BAZ2A: variants seen among roughly 807,000 people sequenced by gnomAD.
The protein encoded by BAZ2A is bromodomain adjacent to zinc finger domain protein 2A.
Under a neutral mutation model 199.9 loss-of-function variants are expected in BAZ2A, and 34 were observed. That is an observed-to-expected ratio of 0.17 (90% confidence interval 0.13 to 0.23). The LOEUF (loss-of-function observed/expected upper bound fraction) is 0.23, where lower values mean the gene tolerates loss of function less well. BAZ2A is among the 10% of genes least tolerant of loss of function. The pLI is 1.00. For synonymous variants in BAZ2A, 857 were observed against 883.9 expected (o/e 0.97, Z 0.54); for missense variants, 2,002 against 2,391.1 (o/e 0.84, Z 3.39).
chr12:56,599,670 T>TG, intron 26 of BAZ2A, 32 bp downstream of exon 26: 1 of 1,611,936 alleles, frequency 6.2e-7, no homozygotes, highest in Non-Finnish European at 8.5e-7. Flanking sequence ...GATTTCTGTT[T>TG]GAGTGTGGGA....
In BAZ2A at chr12:56,623,276, G is replaced by A. The variant is rs970340661; in HGVS notation, c.-2-5744C>T. On this transcript the variant is annotated intron_variant, in intron 1 of 28. Transcript: ENST00000549884. ...AAAGGCTGACAATGCACAAAGTGTT[G>A]AAATAAATATTATATATTGCAACAC... Among the ~76,000 whole-genome samples, 5 of 151,792 alleles carry A rather than the reference G, an allele frequency of 3.3e-5. No homozygotes were observed. In the East Asian group the frequency reaches 7.7e-4, roughly 23 times the overall value.
At chr12:56,602,664 A>T in intron 19 of BAZ2A, 49 bp downstream of exon 19, 1 of 1,586,530 alleles carries the variant, frequency 6.3e-7, no homozygotes. Context: ...GAATTATTTA[A>T]TTCTTGTTTG....
chr12:56,628,720 C>T (rs1951193124), intron 1 of BAZ2A, among the ~76,000 whole-genome samples: 1 of 152,188 alleles, frequency 6.6e-6, no homozygotes, highest in African/African-American at 2.4e-5. Flanking sequence ...TACCCTTCTT[C>T]ACAAGCTCAC....
At chr12:56,632,053 A>G (rs1399462119), upstream of BAZ2A, among the ~76,000 whole-genome samples, 3 of 152,130 alleles carry the variant, frequency 2.0e-5, no homozygotes, top group East Asian at 3.8e-4. Flanking sequence ...GGGAATAGGC[A>G]GGTGGAAACC....
chr12:56,604,522 C>T, intron 15 of BAZ2A, 63 bp downstream of exon 15: 1 of 1,486,284 alleles, frequency 6.7e-7, no homozygotes, highest in Non-Finnish European at 9.1e-7. Flanking sequence ...TGGAAGGCTA[C>T]AAGTCCTCCA....
Position 56,600,322 on chromosome 12 carries a change from G to C in BAZ2A, c.4771C>G (p.Leu1591Val). The C allele has an allele frequency of 4.3e-6, 7 of 1,614,002 alleles. No homozygotes were observed. Among genetic ancestry groups the C allele is most frequent in the Non-Finnish European group, 5.9e-6 (7 of 1,179,900 alleles). Residue 1591 changes from leucine to valine, a missense_variant, in exon 24 of 29, where the codon CTG (leucine) becomes GTG (valine). Physicochemically the swap from Leu to Val is conservative, Grantham distance 32. Around this residue, in one of 6 missense-constraint regions of BAZ2A, gnomAD observed 1,081 missense variants for 1,274.7 expected, o/e 0.85. Transcript: ENST00000549884. ...TACCGCCGTTCTACATTCTGTTCCAGGGCAGCCAGCCGCATCACAGCCAGG... is the reference window on the plus strand; with the variant it reads ...TACCGCCGTTCTACATTCTGTTCCACGGCAGCCAGCCGCATCACAGCCAGG... The part of the protein sequence containing the change: ...LDLAVMRLAA[L>V]EQNVERRYLR...
rs1227117605 is a variant in BAZ2A at position 56,595,788 on chromosome 12, C to A, written c.*2830G>T. The A allele has an allele frequency of 6.6e-6, 1 of 152,592 alleles. No individual in the cohort carries two copies. The highest frequency in any genetic ancestry group is 1.5e-5 in the Non-Finnish European group (1 of 68,046). The allele number at this position is 152,592 out of a possible 1,614,324, so 9.5% of individuals were successfully genotyped here. ...ACATTTAGGCAGGAGCACTAATGAC[C>A]CTTTCCATCCACACAGAGGGTATGG... On this transcript the variant is annotated 3_prime_UTR_variant, in exon 29 of 29. Coordinates refer to ENST00000549884, the MANE Select transcript of BAZ2A (RefSeq NM_001300905.2).
chr12:56,630,919 G>C, upstream of BAZ2A: 1 of 923,888 alleles, frequency 1.1e-6, no homozygotes, highest in Non-Finnish European at 1.3e-6. Flanking sequence ...AAAGACCTGA[G>C]TGTAGCCTAA....
At position 56,603,665 on chromosome 12, in the gene BAZ2A, G is replaced by A. The variant is rs1318056609; in HGVS notation, c.3074C>T (p.Ser1025Phe). The A allele has an allele frequency of 6.2e-7, 1 of 1,613,976 alleles. No homozygotes were observed. The highest frequency in any genetic ancestry group is 8.5e-7 in the Non-Finnish European group (1 of 1,179,894). ...CTCTGGCCCTTCCATCTCTACTTCA[G>A]ACCGCCCAGTTCGCTTGGCCAGAAC... ...KTVLAKRTGR[S>F]EVEMEGPEEC... Residue 1025 changes from serine to phenylalanine, a missense_variant, in exon 17 of 29, where the codon TCT becomes TTT. Physicochemically the swap from Ser to Phe is radical, Grantham distance 155. Around this residue, in one of 6 missense-constraint regions of BAZ2A, gnomAD observed 1,081 missense variants for 1,274.7 expected, o/e 0.85. Coordinates refer to ENST00000549884, the MANE Select transcript of BAZ2A (RefSeq NM_001300905.2).
upstream of BAZ2A, among the ~76,000 whole-genome samples, chr12:56,632,935 T>G (rs1186352057): frequency 6.6e-6 from 1 of 152,038 alleles, no homozygotes; most frequent in Non-Finnish European, 1.5e-5. Context: ...CACTCCTCAA[T>G]CCCATCAGAT....
At chr12:56,604,408 A>G in intron 15 of BAZ2A, 117 bp from the exon 16 acceptor site, 1 of 1,325,316 alleles carries the variant, frequency 7.5e-7, no homozygotes, top group South Asian at 1.3e-5. Context: ...GATTGGGTGA[A>G]TGGCAGAAGG....
chr12:56,605,881 G>C lies in BAZ2A; in HGVS notation c.2442C>G (p.Ile814Met), dbSNP rs1592570830. The C allele has an allele frequency of 5.6e-6, 9 of 1,602,076 alleles. No individual in the cohort carries two copies. The highest frequency in any genetic ancestry group is 7.7e-6 in the Non-Finnish European group (9 of 1,174,252). ...CTGTCGGCTTCTTCATTTCCTCCAA[G>C]ATCATCTGCTGCCTCTGCCGTTCCT... is the stretch of plus-strand genomic sequence containing the variant. ...RLEERQRQQM[I>M]LEEMKKPTED... Residue 814 changes from isoleucine to methionine, a missense_variant, in exon 13 of 29, where the codon ATC (isoleucine) becomes ATG (methionine). Ile to Met is a conservative substitution (Grantham distance 10, BLOSUM62 1). Around this residue, in one of 6 missense-constraint regions of BAZ2A, gnomAD observed 1,081 missense variants for 1,274.7 expected, o/e 0.85. Transcript: ENST00000549884.
chr12:56,598,561 G>A lies in BAZ2A; in HGVS notation c.*57C>T, dbSNP rs922618559. The A allele has an allele frequency of 3.4e-5, 54 of 1,575,510 alleles. No individual in the cohort carries two copies. Among genetic ancestry groups the A allele is most frequent in the Non-Finnish European group, 4.2e-5 (49 of 1,161,946 alleles). On this transcript the variant is annotated 3_prime_UTR_variant, in exon 29 of 29. Coordinates refer to ENST00000549884, the MANE Select transcript of BAZ2A (RefSeq NM_001300905.2). ...CAGCATCAGCAGGTGAAAATGGCAG[G>A]TTTTTGTTTGGAAGGTGGGGGGAGA...
chr12:56,604,174 A>G, intron 16 of BAZ2A, 43 bp downstream of exon 16: 2 of 1,549,214 alleles, frequency 1.3e-6, no homozygotes, highest in Non-Finnish European at 1.8e-6. Flanking sequence ...CACCCGCCCC[A>G]CTTCTCTCCT....
At chr12:56,599,055 T>G in intron 27 of BAZ2A, 44 bp from the exon 28 acceptor site, 1 of 1,603,934 alleles carries the variant, frequency 6.2e-7, no homozygotes, top group Non-Finnish European at 8.5e-7. Flanking sequence ...AGGAAGCAAA[T>G]ATACTGACCC....
upstream of BAZ2A, among the ~76,000 whole-genome samples, chr12:56,631,897 A>G (rs1043732457): frequency 1.3e-5 from 2 of 151,896 alleles, no homozygotes; most frequent in African/African-American, 2.4e-5. Flanking sequence ...GAAAGACTCC[A>G]CCCCTCCACC....
chr12:56,630,222 G>A lies in BAZ2A; in HGVS notation c.-100C>T. ...TCCGGGCGCCAGAACGGGTGGAGAC[G>A]CCCGCTGGGGAGGGGGTCTGGGGTC... On this transcript the variant is annotated 5_prime_UTR_variant, in exon 1 of 29. Coordinates refer to ENST00000549884, the MANE Select transcript of BAZ2A (RefSeq NM_001300905.2). The A allele has an allele frequency of 2.0e-6, 2 of 983,560 alleles. No homozygotes were observed. The highest frequency in any genetic ancestry group is 2.4e-6 in the Non-Finnish European group (2 of 828,224). 60.9% of individuals were successfully genotyped at this position (983,560 alleles called of 1,614,324 possible).
In BAZ2A at chr12:56,612,114, G is replaced by A; in HGVS notation, c.1268C>T (p.Thr423Ile). The stretch of plus-strand genomic sequence containing the variant: ...GGTTGTTGGCGAGACTGCTGGTGAG[G>A]TTGCTGGATGTAGCTGAATAGTGGA... ...QSSTIQLHPA[T>I]SPAVSPTTSP... The change falls in exon 6 of 29, where the codon ACC becomes ATC. Residue 423 changes from threonine to isoleucine, a missense_variant. By Grantham distance (89) the Thr-to-Ile change is moderately conservative. Coordinates refer to ENST00000549884, the MANE Select transcript of BAZ2A (RefSeq NM_001300905.2). 2.5e-6 allele frequency: 4 copies of A among 1,613,968 alleles called. No homozygotes were observed. Among genetic ancestry groups the A allele is most frequent in the Non-Finnish European group, 3.4e-6 (4 of 1,179,900 alleles).
At chr12:56,636,383 G>C, upstream of BAZ2A, 1 of 1,382,840 alleles carries the variant, frequency 7.2e-7, no homozygotes, top group Non-Finnish European at 9.4e-7. Flanking sequence ...ACAGACTGGG[G>C]TGGGGAGGGA....
Sources: gnomAD v4.1 joint callset for allele counts (sites outside exome capture counted in the v4.1 genomes callset) on GRCh38, gnomAD v4.1.1 for gene constraint, gnomAD v4.1.1 regional missense constraint, MANE v1.5 for transcripts, NCBI Gene and HGNC (gene_info 2026-07-23, HGNC 2026-07-21) for gene names.